TRAPPC9: variants seen among roughly 807,000 people sequenced by gnomAD.
TRAPPC9 encodes the protein trafficking protein particle complex subunit 9, also known as IKK2 binding protein.
TRAPPC9 carries 83 observed loss-of-function variants against 124.0 expected under a neutral mutation model. That is an observed-to-expected ratio of 0.67 (90% CI 0.56 to 0.80). TRAPPC9 has a LOEUF of 0.80. Among genes scored for constraint, TRAPPC9 ranks in the 30% least tolerant of loss-of-function variants. The probability of loss-of-function intolerance (pLI) is 0.00; values close to 1 mark genes in which losing one functional copy is unlikely to be tolerated. For missense variants in TRAPPC9, 1,302 were observed against 1,508.3 expected (o/e 0.86, Z 2.27); for synonymous variants, 638 against 617.5 (o/e 1.03, Z -0.49).
intron 16 of TRAPPC9, among the ~76,000 whole-genome samples, chr8:140,245,582 C>A (rs962330064): frequency 2.0e-5 from 3 of 152,080 alleles, no homozygotes; most frequent in Non-Finnish European, 4.4e-5. Context: ...CACTGTTGTA[C>A]AATCATCACC....
At chr8:140,080,386 G>A (rs1378564046) in intron 17 of TRAPPC9, among the ~76,000 whole-genome samples, 3 of 152,236 alleles carry the variant, frequency 2.0e-5, no homozygotes, top group Non-Finnish European at 4.4e-5. Context: ...AATGCGTAAA[G>A]AAAAGAGGTT....
At chr8:139,933,798 C>T (rs1049246775) in intron 19 of TRAPPC9, 7 of 152,306 alleles carry the variant, frequency 4.6e-5, no homozygotes, top group Non-Finnish European at 8.8e-5. Context: ...AGTTCTGGAC[C>T]GCTATGGATT....
chr8:140,322,279 A>C (rs2066616188), intron 9 of TRAPPC9, among the ~76,000 whole-genome samples: 1 of 152,084 alleles, frequency 6.6e-6, no homozygotes, highest in Non-Finnish European at 1.5e-5. Context: ...TCAAATCCTG[A>C]CCAAACACCT....
chr8:139,873,741 C>T (rs1829148795), intron 21 of TRAPPC9, among the ~76,000 whole-genome samples: 3 of 152,242 alleles, frequency 2.0e-5, no homozygotes, highest in Admixed American at 2.0e-4. Context: ...ATTCGTTCCA[C>T]TTGGCTTCTG....
At chr8:140,288,056 C>T (rs2065541493) in intron 12 of TRAPPC9, among the ~76,000 whole-genome samples, 2 of 152,170 alleles carry the variant, frequency 1.3e-5, no homozygotes, top group African/African-American at 4.8e-5. Flanking sequence ...TAAATAAAAA[C>T]ATGGCTGGGC....
intron 21 of TRAPPC9, among the ~76,000 whole-genome samples, chr8:139,814,923 A>G (rs1243567400): frequency 6.6e-6 from 1 of 152,198 alleles, no homozygotes; most frequent in Non-Finnish European, 1.5e-5. Context: ...TTGAGGACAG[A>G]CATGGCCGGG....
intron 18 of TRAPPC9, among the ~76,000 whole-genome samples, chr8:140,023,021 G>A (rs1839910106): frequency 6.6e-6 from 1 of 152,214 alleles, no homozygotes; most frequent in Admixed American, 6.5e-5. Flanking sequence ...AGGGCCCACT[G>A]GAGGAGGAGG....
In TRAPPC9 at chr8:139,794,532, C is replaced by G. The variant is rs147024474; in HGVS notation, c.3056-62330G>C. ...AGTTGAGCTGAGGTGCTGGCATTTC[C>G]ACAACAGACGCTGGGCCCACTTCAG... On this transcript the variant is annotated intron_variant, in intron 21 of 22. Transcript: ENST00000438773. 3.3e-5 allele frequency among the ~76,000 whole-genome samples: 5 copies of G among 152,286 alleles called. No individual in the cohort carries two copies. In the South Asian group the frequency reaches 1.0e-3, roughly 32 times the overall value.
chr8:140,271,078 A>G (rs2064863357), intron 15 of TRAPPC9, among the ~76,000 whole-genome samples: 1 of 152,202 alleles, frequency 6.6e-6, no homozygotes, highest in South Asian at 2.1e-4. Context: ...ATTACAGGAG[A>G]TGTGAGAAAA....
intron 17 of TRAPPC9, among the ~76,000 whole-genome samples, chr8:140,215,558 AT>A (rs1415192322): frequency 6.6e-6 from 1 of 151,760 alleles, no homozygotes; most frequent in East Asian, 2.0e-4. Flanking sequence ...AGGCAGGAGA[AT>A]TGCTTGAACC....
intron 21 of TRAPPC9, among the ~76,000 whole-genome samples, chr8:139,860,307 C>T (rs1205173193): frequency 6.6e-6 from 1 of 151,108 alleles, no homozygotes; most frequent in African/African-American, 2.5e-5. Context: ...TCTCAGAACC[C>T]AGTCCAAAAG....
intron 18 of TRAPPC9, among the ~76,000 whole-genome samples, chr8:140,010,809 G>A (rs1839067413): frequency 6.6e-6 from 1 of 152,234 alleles, no homozygotes; most frequent in South Asian, 2.1e-4. Flanking sequence ...ACCCACGTAT[G>A]CACAAAGTTT....
chr8:139,849,418 A>G (rs1426839811), intron 21 of TRAPPC9, among the ~76,000 whole-genome samples: 3 of 152,250 alleles, frequency 2.0e-5, no homozygotes, highest in African/African-American at 7.2e-5. Context: ...AGATACCAGA[A>G]CAGAAACCAG....
intron 16 of TRAPPC9, among the ~76,000 whole-genome samples, chr8:140,251,980 T>G (rs1049168703): frequency 2.0e-5 from 3 of 152,156 alleles, no homozygotes; most frequent in African/African-American, 4.8e-5. Flanking sequence ...GACTCCACAC[T>G]GCCTCCAAAT....
chr8:140,143,410 C>T (rs1048111067), intron 17 of TRAPPC9, among the ~76,000 whole-genome samples: 1 of 152,216 alleles, frequency 6.6e-6, no homozygotes, highest in Non-Finnish European at 1.5e-5. Context: ...ATGTCAGTCA[C>T]GTCTCCTCCC....
rs180695221 is a variant in TRAPPC9, at chr8:139,747,904, G to C, written c.3056-15702C>G. Among the ~76,000 whole-genome samples the C allele has an allele frequency of 2.8e-3, 231 of 81,640 alleles. 5 individuals are homozygous for C. Among genetic ancestry groups the C allele is most frequent in the Non-Finnish European group, 4.0e-3 (175 of 43,834 alleles). The allele number at this position is 81,640 out of a possible 152,430, so 53.6% of individuals were successfully genotyped here. A position where few individuals can be genotyped will look rare whatever the true frequency, so the allele number is the denominator to read the frequency against. The stretch of plus-strand genomic sequence containing the variant: ...ACACAGCAGGTGTCAGAGCAGGTAG[G>C]GGGGGCATACAGGGGTCAGAGTGGG... On this transcript the variant is annotated intron_variant, in intron 21 of 22. Transcript: ENST00000438773.
chr8:139,800,001 A>G (rs1372835433), intron 21 of TRAPPC9, among the ~76,000 whole-genome samples: 2 of 152,254 alleles, frequency 1.3e-5, no homozygotes, highest in African/African-American at 4.8e-5. Context: ...AAAGGGCAGG[A>G]CTAGCTCCAG....
rs767025836 is a variant in TRAPPC9, at chr8:139,727,857, C to T, written c.*3204G>A. 1.4e-4 allele frequency among the ~76,000 whole-genome samples: 22 copies of T among 152,074 alleles called. No individual in the cohort carries two copies. The highest frequency in any genetic ancestry group is 2.5e-4 in the Non-Finnish European group (17 of 68,028). ...TACATTAAGCCATGCAGGGGACTAA[C>T]GGAGCATAGCAATGTGGCCTGTTAA... On this transcript the variant is annotated 3_prime_UTR_variant, in exon 23 of 23. Coordinates refer to ENST00000438773, the MANE Select transcript of TRAPPC9 (RefSeq NM_001160372.4).
chr8:139,874,461 T>C (rs539802792), intron 21 of TRAPPC9, among the ~76,000 whole-genome samples: 1 of 151,328 alleles, frequency 6.6e-6, no homozygotes, highest in South Asian at 2.1e-4. Flanking sequence ...ATGCTGGGGG[T>C]GGGGAAACGC....
Sources: gnomAD v4.1 joint callset for allele counts (sites outside exome capture counted in the v4.1 genomes callset) on GRCh38, gnomAD v4.1.1 for gene constraint, MANE v1.5 for transcripts, NCBI Gene and HGNC (gene_info 2026-07-23, HGNC 2026-07-21) for gene names.